TEX14: variants seen among roughly 807,000 people sequenced by gnomAD.
TEX14 encodes the protein testis expressed 14, intercellular bridge forming factor.
TEX14 carries 168 observed loss-of-function variants against 178.6 expected under a neutral mutation model. The observed-to-expected ratio is 0.94, with a 90% confidence interval of 0.83 to 1.07. TEX14 has a LOEUF of 1.07. Among genes scored for constraint, TEX14 ranks in the 50% least tolerant of loss-of-function variants. The probability of loss-of-function intolerance (pLI) is 0.00; values close to 1 mark genes in which losing one functional copy is unlikely to be tolerated. For missense variants in TEX14, 1,730 were observed against 1,753.6 expected, an observed-to-expected ratio of 0.99 and a Z score of 0.24; for synonymous variants, 626 against 634.1, an observed-to-expected ratio of 0.99 and a Z score of 0.19.
intron 11 of TEX14, among the ~76,000 whole-genome samples, chr17:58,604,136 A>G (rs1249292689): frequency 6.6e-6 from 1 of 151,926 alleles, no homozygotes; most frequent in East Asian, 1.9e-4. Context: ...CTCAAGGGAT[A>G]CCACACATAG....
At chr17:58,620,499 A>ATT (rs201218045) in intron 5 of TEX14, among the ~76,000 whole-genome samples, 1 of 143,986 alleles carries the variant, frequency 6.9e-6, no homozygotes, top group Non-Finnish European at 1.5e-5. Context: ...CTCGGCTAAT[A>ATT]TTTTTTTTTT....
intron 1 of TEX14, among the ~76,000 whole-genome samples, chr17:58,665,819 G>A (rs539070722): frequency 3.3e-5 from 5 of 152,142 alleles, no homozygotes; most frequent in African/African-American, 4.8e-5. Flanking sequence ...GCCGAGGAGG[G>A]TGGATCACAT....
chr17:58,632,042 T>C (rs749317625), intron 2 of TEX14, among the ~76,000 whole-genome samples: 2 of 152,170 alleles, frequency 1.3e-5, no homozygotes, highest in Non-Finnish European at 2.9e-5. Context: ...AATTAACATA[T>C]GGTAGCAAAG....
chr17:58,650,741 C>G (rs302842), intron 2 of TEX14, among the ~76,000 whole-genome samples: 96,840 of 152,012 alleles, frequency 0.64, 31,216 homozygotes, highest in African/African-American at 0.71. Flanking sequence ...CCAAAGTGCT[C>G]GGTTTACAGA....
chr17:58,573,282 G>A lies in TEX14; in HGVS notation c.3410C>T (p.Ser1137Phe). Reference sequence around the variant, plus strand: ...GCTGTCTGGTTCATAGGAGATACTAGACAGGTCTTGAATATCCGTCAATGA... The same window carrying A: ...GCTGTCTGGTTCATAGGAGATACTAAACAGGTCTTGAATATCCGTCAATGA... ...DISLTDIQDLSSISYEPDSSF... is the reference protein window; with the variant it reads ...DISLTDIQDLFSISYEPDSSF... The change falls in exon 23 of 32, where the codon TCT becomes TTT. Residue 1137 changes from serine (S) to phenylalanine (F), a missense_variant. Coordinates refer to ENST00000349033, the MANE Select transcript of TEX14 (RefSeq NM_031272.5). 1 of 1,613,744 alleles carries A rather than the reference G, an allele frequency of 6.2e-7. No homozygotes were observed. The highest frequency in any genetic ancestry group is 8.5e-7 in the Non-Finnish European group (1 of 1,179,662).
Position 58,616,239 on chromosome 17 carries a change from C to T in TEX14, c.703G>A (p.Val235Met), listed in dbSNP as rs572978944. The change falls in exon 7 of 32, where the codon GTG becomes ATG. Residue 235 changes from valine (V) to methionine (M), a missense_variant. Coordinates refer to ENST00000349033, the MANE Select transcript of TEX14 (RefSeq NM_031272.5). ...GTGGGCTCATCATCAGCTTGAATCA[C>T]TTCCTTTTCTCCAATGACCGGAAGA... is the stretch of plus-strand genomic sequence containing the variant. ...GSLPVIGEKE[V>M]IQADDEPTFS... is the part of the protein sequence containing the mutation. 238 of 1,614,070 alleles carry T rather than the reference C, an allele frequency of 1.5e-4. 5 individuals carry two copies. In the South Asian group the frequency reaches 2.1e-3, roughly 14 times the overall value.
At position 58,569,190 on chromosome 17, in the gene TEX14, A is replaced by G; in HGVS notation, c.3886+2T>C. The G allele has an allele frequency of 6.2e-7, 1 of 1,612,726 alleles. No individual in the cohort carries two copies. Among genetic ancestry groups the G allele is most frequent in the South Asian group, 1.1e-5 (1 of 91,042 alleles). On this transcript the variant is annotated splice_donor_variant, in intron 26 of 31. Transcript: ENST00000349033. LOFTEE classifies it high-confidence loss of function. The surrounding 1 kb of genome is among the most constrained non-coding windows in gnomAD (Gnocchi z 4.1). ...GTATATTCTGTATTGAACATCTCTT[A>G]CCAATGTCATCAAGTAGCTCCTGAG...
At chr17:58,570,239 G>C in intron 25 of TEX14, 146 bp downstream of exon 25, 1 of 458,832 alleles carries the variant, frequency 2.2e-6, no homozygotes, top group Non-Finnish European at 3.8e-6. Flanking sequence ...TATTCTCCAA[G>C]TTTCCTACAA....
chr17:58,663,104 G>A (rs1244181904), intron 1 of TEX14, among the ~76,000 whole-genome samples: 11 of 136,250 alleles, frequency 8.1e-5, no homozygotes, highest in East Asian at 4.4e-4. Flanking sequence ...GTGAGACTCC[G>A]TCTCAAAAAA....
chr17:58,558,219 A>G (rs752944172), intron 30 of TEX14, among the ~76,000 whole-genome samples: 14 of 152,222 alleles, frequency 9.2e-5, no homozygotes, highest in Non-Finnish European at 1.8e-4. Flanking sequence ...TAGTGAAGTG[A>G]CTACATACAG....
chr17:58,578,053 A>C (rs1038534156), intron 20 of TEX14, among the ~76,000 whole-genome samples: 2 of 152,136 alleles, frequency 1.3e-5, no homozygotes, highest in African/African-American at 4.8e-5. Flanking sequence ...CCACCACTGT[A>C]CTGTCCTAGT....
At chr17:58,619,820 G>T (rs543169957) in intron 5 of TEX14, among the ~76,000 whole-genome samples, 10 of 151,220 alleles carry the variant, frequency 6.6e-5, no homozygotes, top group Non-Finnish European at 1.2e-4. Flanking sequence ...AAAAAAAGGT[G>T]GGGGAAGAGG....
In TEX14 at chr17:58,584,517, C is replaced by T. The variant is rs1446452480; in HGVS notation, c.3154G>A (p.Val1052Ile). The change falls in exon 19 of 32, where the codon GTA becomes ATA. Residue 1052 changes from valine (V) to isoleucine (I), a missense_variant. By Grantham distance (29) the Val-to-Ile change is conservative. Coordinates refer to ENST00000349033, the MANE Select transcript of TEX14 (RefSeq NM_031272.5). ...TTACTTACACTGTAAGATTTCTCTA[C>T]AGCCACCAATGTGTCAGAACTTGCT... ...FQASSDTLVAVEKSYSTSSPI... is the reference protein window; with the variant it reads ...FQASSDTLVAIEKSYSTSSPI... The T allele has an allele frequency of 1.2e-6, 2 of 1,613,882 alleles. No individual in the cohort carries two copies. Among genetic ancestry groups the T allele is most frequent in the Non-Finnish European group, 1.7e-6 (2 of 1,179,804 alleles).
At chr17:58,623,933 T>C (rs1255675034) in intron 3 of TEX14, among the ~76,000 whole-genome samples, 1 of 152,150 alleles carries the variant, frequency 6.6e-6, no homozygotes, top group Non-Finnish European at 1.5e-5. Context: ...GCAATTACTA[T>C]TACAAGTTTT....
chr17:58,622,774 G>A (rs1172286538), intron 4 of TEX14, 73 bp downstream of exon 4: 4 of 1,461,744 alleles, frequency 2.7e-6, no homozygotes, highest in Non-Finnish European at 2.8e-6. Context: ...GCTCTGTGCT[G>A]ACCACTGGGA....
Position 58,616,187 on chromosome 17 carries a change from A to T in TEX14, c.755T>A (p.Met252Lys), listed in dbSNP as rs776013371. Residue 252 changes from methionine to lysine, a missense_variant, in exon 7 of 32, where the codon ATG (methionine) becomes AAG (lysine). Around this residue, in one of 2 missense-constraint regions of TEX14, gnomAD observed 789 missense variants for 681.2 expected, o/e 1.16. Transcript: ENST00000349033. The stretch of plus-strand genomic sequence containing the variant: ...AGCCCCCACTTACTTGGTCATGACC[A>T]TGTAGGGGCCGCTGAAGAAAGAGAA... ...PTFSFFSGPYMVMTNLVWNGS... is the reference protein window; with the variant it reads ...PTFSFFSGPYKVMTNLVWNGS... 1 of 1,613,658 alleles carries T rather than the reference A, an allele frequency of 6.2e-7. No individual in the cohort carries two copies. Among genetic ancestry groups the T allele is most frequent in the South Asian group, 1.1e-5 (1 of 91,014 alleles).
chr17:58,683,117 A>T (rs1234027589), intron 1 of TEX14, among the ~76,000 whole-genome samples: 1 of 151,870 alleles, frequency 6.6e-6, no homozygotes, highest in East Asian at 1.9e-4. Context: ...TCACGCCTGT[A>T]ATCCCAGCAG....
chr17:58,611,909 C>G (rs2045754463), intron 9 of TEX14, among the ~76,000 whole-genome samples: 1 of 152,106 alleles, frequency 6.6e-6, no homozygotes. Flanking sequence ...GGGGGAAAAA[C>G]AGAAAAAAAC....
intron 2 of TEX14, chr17:58,631,691 C>G (rs1024658124): frequency 6.6e-6 from 1 of 151,608 alleles, no homozygotes; most frequent in Non-Finnish European, 1.5e-5. Flanking sequence ...CAGCAAACAG[C>G]AGTTAGAATA....
Sources: gnomAD v4.1 joint callset for allele counts (sites outside exome capture counted in the v4.1 genomes callset) on GRCh38, gnomAD v4.1.1 for gene constraint, gnomAD v4.1.1 regional missense constraint, Gnocchi (gnomAD v3.1) non-coding constraint, MANE v1.5 for transcripts, NCBI Gene and HGNC (gene_info 2026-07-23, HGNC 2026-07-21) for gene names.